The following PHF14 variants were observed in gnomAD, a reference collection of about 807,000 sequenced individuals.
The protein encoded by PHF14 is PHD finger protein 14.
A neutral mutation model predicts 117.9 loss-of-function variants in PHF14; 55 were observed. The ratio of observed to expected loss-of-function variants is 0.47; its 90% CI spans 0.38 to 0.58. The LOEUF is 0.58. Among genes scored for constraint, PHF14 ranks in the 20% least tolerant of loss-of-function variants. PHF14 has a pLI of 0.00. For missense variants in PHF14, 978 were observed against 1,122.2 expected (o/e 0.87, Z 1.84); for synonymous variants, 409 against 368.6 (o/e 1.11, Z -1.26).
At position 11,085,260 on chromosome 7, in the gene PHF14, C is replaced by T. The variant is rs113087789; in HGVS notation, c.2654+23175C>T. On this transcript the variant is annotated intron_variant, in intron 16 of 17. Coordinates refer to ENST00000634607, the MANE Select transcript of PHF14 (RefSeq NM_001007157.2). ...TAAATAATTTTTTAATTACACATTGCGACATTAGCTTAATATAAAAATACT... is the reference window on the plus strand; with the variant it reads ...TAAATAATTTTTTAATTACACATTGTGACATTAGCTTAATATAAAAATACT... 4.6e-3 allele frequency among the ~76,000 whole-genome samples: 707 copies of T among 152,122 alleles called. 10 individuals carry two copies. Among genetic ancestry groups the T allele is most frequent in the African/African-American group, 0.013 (521 of 41,506 alleles).
At chr7:11,131,483 T>C (rs1401063903) in intron 17 of PHF14, among the ~76,000 whole-genome samples, 4 of 151,966 alleles carry the variant, frequency 2.6e-5, no homozygotes, top group African/African-American at 9.7e-5. Context: ...TTGGCCTGTT[T>C]TTTAAATTGG....
At chr7:11,161,247 C>A (rs766858831) in intron 17 of PHF14, among the ~76,000 whole-genome samples, 85 of 152,046 alleles carry the variant, frequency 5.6e-4, no homozygotes, top group African/African-American at 2.0e-3. Context: ...AAATATTTTT[C>A]TCTCAATACA....
At chr7:11,058,319 A>G (rs1785090475) in intron 14 of PHF14, among the ~76,000 whole-genome samples, 2 of 152,094 alleles carry the variant, frequency 1.3e-5, no homozygotes, top group Non-Finnish European at 2.9e-5. Flanking sequence ...CAAGTACACT[A>G]CTTTCAAGAT....
intron 4 of PHF14, among the ~76,000 whole-genome samples, chr7:11,002,487 G>A (rs962783793): frequency 1.3e-5 from 2 of 151,952 alleles, no homozygotes; most frequent in African/African-American, 2.4e-5. Flanking sequence ...TGTCCAGGCT[G>A]GAGTGCAATG....
intron 16 of PHF14, among the ~76,000 whole-genome samples, chr7:11,094,597 C>T (rs943184010): frequency 6.6e-6 from 1 of 152,252 alleles, no homozygotes; most frequent in Admixed American, 6.5e-5. Context: ...AACATGGACT[C>T]TTTTGTATTG....
intron 14 of PHF14, among the ~76,000 whole-genome samples, chr7:11,055,403 T>G (rs893548592): frequency 2.0e-5 from 3 of 152,172 alleles, no homozygotes; most frequent in Non-Finnish European, 4.4e-5. Context: ...GGACCTCTCT[T>G]TCCATTGTTT....
At chr7:11,143,131 T>A (rs1788444815) in intron 17 of PHF14, among the ~76,000 whole-genome samples, 1 of 152,186 alleles carries the variant, frequency 6.6e-6, no homozygotes, top group Non-Finnish European at 1.5e-5. Context: ...ATTGGCTTTT[T>A]CAACAATGGA....
At chr7:10,985,932 C>CATG (rs932819391) in intron 3 of PHF14, among the ~76,000 whole-genome samples, 4 of 151,892 alleles carry the variant, frequency 2.6e-5, no homozygotes, top group African/African-American at 4.8e-5. Flanking sequence ...GGATTACAGG[C>CATG]ATGAGCCACC....
intron 7 of PHF14, 109 bp downstream of exon 7, chr7:11,028,927 A>T: frequency 1.1e-6 from 1 of 928,742 alleles, no homozygotes; most frequent in Non-Finnish European, 1.6e-6. Context: ...TTTATTCTTA[A>T]AGTTCTTGCC....
chr7:11,088,048 C>T (rs1786486429), intron 16 of PHF14, among the ~76,000 whole-genome samples: 1 of 151,932 alleles, frequency 6.6e-6, no homozygotes, highest in Non-Finnish European at 1.5e-5. Context: ...TTACAGTCAT[C>T]CCTCCATATC....
intron 17 of PHF14, among the ~76,000 whole-genome samples, chr7:11,161,336 T>C (rs1436203168): frequency 2.6e-5 from 4 of 152,208 alleles, no homozygotes; most frequent in Non-Finnish European, 5.9e-5. Context: ...CAAAATGCTG[T>C]CATATTCTAT....
chr7:11,149,019 T>G (rs74450063), intron 17 of PHF14, among the ~76,000 whole-genome samples: 1 of 152,074 alleles, frequency 6.6e-6, no homozygotes, highest in Non-Finnish European at 1.5e-5. Context: ...GTTTTTTTTT[T>G]GTTTTGTTTT....
intron 14 of PHF14, among the ~76,000 whole-genome samples, chr7:11,058,191 T>C (rs1785086497): frequency 6.6e-6 from 1 of 152,232 alleles, no homozygotes; most frequent in Admixed American, 6.5e-5. Context: ...TCATCTGAGA[T>C]GGGACAAGCT....
Position 11,041,462 on chromosome 7 carries a change from TTATC to T in PHF14, c.2180+691_2180+694del, listed in dbSNP as rs575982864. On this transcript the variant is annotated intron_variant, in intron 12 of 17. Transcript: ENST00000634607. The stretch of plus-strand genomic sequence containing the variant: ...TGTGTGTATGTATGTGTGTGTATAT[TTATC>T]TATGTATATGCATACATATATGTTA... 6.0e-4 allele frequency among the ~76,000 whole-genome samples: 91 copies of T among 151,582 alleles called. 1 individual carries two copies. In the East Asian group the frequency reaches 0.012, roughly 21 times the overall value.
chr7:11,068,856 A>G (rs990070386), intron 16 of PHF14, among the ~76,000 whole-genome samples: 5 of 152,218 alleles, frequency 3.3e-5, no homozygotes, highest in Middle Eastern at 3.4e-3. Context: ...TGATCATGGT[A>G]TATCTCTCCA....
chr7:11,164,413 A>T (rs1045361758), intron 17 of PHF14, among the ~76,000 whole-genome samples: 1 of 152,318 alleles, frequency 6.6e-6, no homozygotes, highest in East Asian at 1.9e-4. Flanking sequence ...AAAATCAATA[A>T]TATCAACATT....
At chr7:11,167,032 A>G (rs1789222998) in intron 17 of PHF14, among the ~76,000 whole-genome samples, 3 of 152,188 alleles carry the variant, frequency 2.0e-5, no homozygotes, top group Admixed American at 2.0e-4. Context: ...GGAAGTTGCA[A>G]ATTTTTATTT....
chr7:11,025,758 G>T (rs575001750), intron 6 of PHF14, among the ~76,000 whole-genome samples: 2 of 151,938 alleles, frequency 1.3e-5, no homozygotes, highest in Admixed American at 6.6e-5. Context: ...TCGTGCCATT[G>T]CCCTCCAGCC....
intron 13 of PHF14, among the ~76,000 whole-genome samples, chr7:11,044,615 G>A (rs1203971044): frequency 6.6e-6 from 1 of 152,120 alleles, no homozygotes; most frequent in Non-Finnish European, 1.5e-5. Flanking sequence ...TACCTCAAAT[G>A]TGGGAGGCAG....
Sources: gnomAD v4.1 joint callset for allele counts (sites outside exome capture counted in the v4.1 genomes callset) on GRCh38, gnomAD v4.1.1 for gene constraint, MANE v1.5 for transcripts, NCBI Gene and HGNC (gene_info 2026-07-23, HGNC 2026-07-21) for gene names.